The following ADGRL1 variants were observed in gnomAD, a reference collection of about 807,000 sequenced individuals.
The protein encoded by ADGRL1 is adhesion G protein-coupled receptor L1.
Under a neutral mutation model 148.9 loss-of-function variants are expected in ADGRL1, and 31 were observed. That is an observed-to-expected ratio of 0.21 (90% CI 0.16 to 0.28). The LOEUF (loss-of-function observed/expected upper bound fraction) is 0.28, where lower values mean the gene tolerates loss of function less well. Ranked by LOEUF, ADGRL1 falls within the 10% of genes least tolerant of loss-of-function variation. The probability of loss-of-function intolerance (pLI) is 1.00; values close to 1 mark genes in which losing one functional copy is unlikely to be tolerated. For missense variants in ADGRL1, 1,521 were observed against 2,058.8 expected (o/e 0.74, Z 5.05); for synonymous variants, 937 against 900.3 (o/e 1.04, Z -0.73).
rs1969242167 is a variant in ADGRL1, at chr19:14,160,459, C to T, written c.1614+134G>A. 1 of 915,898 alleles carries T rather than the reference C, an allele frequency of 1.1e-6. No individual in the cohort carries two copies. Among genetic ancestry groups the T allele is most frequent in the Non-Finnish European group, 1.6e-6 (1 of 614,610 alleles). The allele number at this position is 915,898 out of a possible 1,614,324, so 56.7% of individuals were successfully genotyped here. A position where few individuals can be genotyped will look rare whatever the true frequency, so the allele number is the denominator to read the frequency against. On this transcript the variant is annotated intron_variant, in intron 7 of 22. Transcript: ENST00000361434. This position sits in a 1 kb window ranked among gnomAD's most constrained non-coding sequence, Gnocchi z 5.9. Reference sequence around the variant, plus strand: ...ATCTGTCCCTGCTCCCTTTGTAGGCCAGGGAGGTGACCCCACAGTCCTGCC... The same window carrying T: ...ATCTGTCCCTGCTCCCTTTGTAGGCTAGGGAGGTGACCCCACAGTCCTGCC...
At chr19:14,166,970 G>A in intron 4 of ADGRL1, 1 of 1,601,470 alleles carries the variant, frequency 6.2e-7, no homozygotes, top group Non-Finnish European at 8.6e-7. Flanking sequence ...GGTACAGGTA[G>A]AACAAAGTGT....
At position 14,183,595 on chromosome 19, in the gene ADGRL1, C is replaced by A; in HGVS notation, c.8G>T (p.Arg3Leu). The A allele has an allele frequency of 6.3e-7, 1 of 1,577,346 alleles. No homozygotes were observed. Among genetic ancestry groups the A allele is most frequent in the Non-Finnish European group, 8.6e-7 (1 of 1,161,310 alleles). The change falls in exon 2 of 23, where the codon CGC becomes CTC. Residue 3 changes from arginine (R) to leucine (L), a missense_variant. Physicochemically the swap from Arg to Leu is moderately radical, Grantham distance 102. Transcript: ENST00000361434. MA[R>L]LAAVLWNLCV... is the part of the protein sequence containing the mutation. ...CAGATTCCAGAGCACTGCGGCTAGG[C>A]GGGCCATGGTGGCAGCCGGGTGCGT...
chr19:14,161,007 C>T lies in ADGRL1; in HGVS notation c.1510+305G>A, dbSNP rs936052350. Among the ~76,000 whole-genome samples, 11 of 152,214 alleles carry T rather than the reference C, an allele frequency of 7.2e-5. No homozygotes were observed. Among genetic ancestry groups the T allele is most frequent in the Non-Finnish European group, 1.5e-4 (10 of 68,040 alleles). ...CCTCCCCTCAGATCTCCAGGACACA[C>T]GGCCCTGCCCTTTTTGCACTTCAGC... On this transcript the variant is annotated intron_variant, in intron 6 of 22. Coordinates refer to ENST00000361434, the MANE Select transcript of ADGRL1 (RefSeq NM_014921.5). The surrounding 1 kb of genome is among the most constrained non-coding windows in gnomAD (Gnocchi z 4.4).
chr19:14,161,732 A>T lies in ADGRL1; in HGVS notation c.1196-106T>A. 2.5e-6 allele frequency: 2 copies of T among 809,250 alleles called. No individual in the cohort carries two copies. The highest frequency in any genetic ancestry group is 3.4e-6 in the Non-Finnish European group (2 of 581,134). 50.1% of individuals were successfully genotyped at this position (809,250 alleles called of 1,614,324 possible). On this transcript the variant is annotated intron_variant, in intron 5 of 22. Coordinates refer to ENST00000361434, the MANE Select transcript of ADGRL1 (RefSeq NM_014921.5). This position sits in a 1 kb window ranked among gnomAD's most constrained non-coding sequence, Gnocchi z 4.4. ...TCTTAGCATCTTCCTCATCTACTGA[A>T]GTGGAAACACGTGCCGGGCCCCACT...
Position 14,155,285 on chromosome 19 carries a change from T to C in ADGRL1, c.3294+74A>G. 1 of 1,552,184 alleles carries C rather than the reference T, an allele frequency of 6.4e-7. No homozygotes were observed. Among genetic ancestry groups the C allele is most frequent in the Non-Finnish European group, 8.8e-7 (1 of 1,140,248 alleles). On this transcript the variant is annotated intron_variant, in intron 18 of 22. Transcript: ENST00000361434. The surrounding 1 kb of genome is among the most constrained non-coding windows in gnomAD (Gnocchi z 5.0). ...GGGAGCCCCTGAGTCCCCTCCACCC[T>C]CGCCGCCTTCTCCTGGGTACCCAGG...
chr19:14,148,567 G>C lies in ADGRL1; in HGVS notation c.*2306C>G, dbSNP rs917646801. The C allele has an allele frequency of 5.2e-5, 8 of 152,614 alleles. No individual in the cohort carries two copies. Among genetic ancestry groups the C allele is most frequent in the African/African-American group, 1.9e-4 (8 of 41,412 alleles). The allele number at this position is 152,614 out of a possible 1,614,324, so 9.5% of individuals were successfully genotyped here. A position where few individuals can be genotyped will look rare whatever the true frequency, so the allele number is the denominator to read the frequency against. ...TCTGACCACCCCTCCACACAACAGA[G>C]CTCCCAGCCTAGTGCAGTCCGGGAA... On this transcript the variant is annotated 3_prime_UTR_variant, in exon 23 of 23. Transcript: ENST00000361434.
At chr19:14,193,457 C>T (rs1037835561) in intron 1 of ADGRL1, among the ~76,000 whole-genome samples, 2 of 151,888 alleles carry the variant, frequency 1.3e-5, no homozygotes, top group Admixed American at 6.6e-5. Context: ...CACGGTGGCA[C>T]GTGCCTATAG....
chr19:14,167,096 GAAAA>G (rs956169815), intron 4 of ADGRL1: 3 of 1,301,602 alleles, frequency 2.3e-6, no homozygotes, highest in Admixed American at 1.9e-5. Flanking sequence ...GAAAAAAAGA[GAAAA>G]AAAAAGAGAT....
At chr19:14,198,272 G>A (rs559050286) in intron 1 of ADGRL1, among the ~76,000 whole-genome samples, 166 of 152,116 alleles carry the variant, frequency 1.1e-3, no homozygotes, top group Non-Finnish European at 2.0e-3. Context: ...ACAGAGGGAT[G>A]GGATCTGGCT....
At chr19:14,153,032 T>C (rs1027988200) in intron 18 of ADGRL1, 120 bp from the exon 19 acceptor site, 53 of 1,170,656 alleles carry the variant, frequency 4.5e-5, no homozygotes, top group East Asian at 1.7e-4. Flanking sequence ...TTCCAATGAC[T>C]GTGTTCCCCT....
rs1240824937 is a variant in ADGRL1, at chr19:14,162,209, C to T, written c.1195+397G>A. On this transcript the variant is annotated intron_variant, in intron 5 of 22. Coordinates refer to ENST00000361434, the MANE Select transcript of ADGRL1 (RefSeq NM_014921.5). This position sits in a 1 kb window ranked among gnomAD's most constrained non-coding sequence, Gnocchi z 5.4. ...CCCTCAGCCCGGTCAGCATCAGCAGCTCAGCTCTTTTGTGGATACTGGACT... is the reference window on the plus strand; with the variant it reads ...CCCTCAGCCCGGTCAGCATCAGCAGTTCAGCTCTTTTGTGGATACTGGACT... Among the ~76,000 whole-genome samples the T allele has an allele frequency of 6.6e-6, 1 of 152,186 alleles. No homozygotes were observed. The highest frequency in any genetic ancestry group is 2.4e-5 in the African/African-American group (1 of 41,446).
rs928624589 is a variant in ADGRL1 at position 14,159,862 on chromosome 19, C to T, written c.1801-89G>A. 17 of 1,230,498 alleles carry T rather than the reference C, an allele frequency of 1.4e-5. No homozygotes were observed. The highest frequency in any genetic ancestry group is 2.0e-5 in the Non-Finnish European group (17 of 833,996). The allele number at this position is 1,230,498 out of a possible 1,614,324, so 76.2% of individuals were successfully genotyped here. A position where few individuals can be genotyped will look rare whatever the true frequency, so the allele number is the denominator to read the frequency against. On this transcript the variant is annotated intron_variant, in intron 8 of 22. Coordinates refer to ENST00000361434, the MANE Select transcript of ADGRL1 (RefSeq NM_014921.5). This position sits in a 1 kb window ranked among gnomAD's most constrained non-coding sequence, Gnocchi z 6.0. ...TGTCACATCTGGATAGCTCTCTCGT[C>T]TGCGGTTACCACTGACCCAGGGCTG...
rs376109961 is a variant in ADGRL1, at chr19:14,156,638, G to T, written c.3033+20C>A. On this transcript the variant is annotated intron_variant, in intron 16 of 22. Coordinates refer to ENST00000361434, the MANE Select transcript of ADGRL1 (RefSeq NM_014921.5). Reference sequence around the variant, plus strand: ...GGATGAAGGAAGATGTGGTGCTAGGGGTGTCACCTCCCAACTCACCACGAT... The same window carrying T: ...GGATGAAGGAAGATGTGGTGCTAGGTGTGTCACCTCCCAACTCACCACGAT... 3.1e-6 allele frequency: 5 copies of T among 1,605,246 alleles called. No individual in the cohort carries two copies. The highest frequency in any genetic ancestry group is 4.5e-5 in the East Asian group (2 of 44,566).
Position 14,150,843 on chromosome 19 carries a change from G to T in ADGRL1, c.*30C>A, listed in dbSNP as rs1968086281. The T allele has an allele frequency of 1.6e-5, 25 of 1,601,614 alleles. No individual in the cohort carries two copies. Among genetic ancestry groups the T allele is most frequent in the Non-Finnish European group, 2.0e-5 (24 of 1,175,242 alleles). On this transcript the variant is annotated 3_prime_UTR_variant, in exon 23 of 23. Transcript: ENST00000361434. ...TGCCCAGGGTTCCCTCCCTGGCCTGGGCCACCAGCCCCTGGTCCATGAGGT... is the reference window on the plus strand; with the variant it reads ...TGCCCAGGGTTCCCTCCCTGGCCTGTGCCACCAGCCCCTGGTCCATGAGGT...
chr19:14,163,468 GA>G (rs1568588818), intron 4 of ADGRL1, 62 bp from the exon 5 acceptor site: 104 of 434,926 alleles, frequency 2.4e-4, no homozygotes, highest in Admixed American at 5.3e-4. Context: ...AGAGGGAGGA[GA>G]GAGAGAGAGA....
chr19:14,198,785 C>G (rs1356334800), intron 1 of ADGRL1, among the ~76,000 whole-genome samples: 1 of 152,194 alleles, frequency 6.6e-6, no homozygotes, highest in African/African-American at 2.4e-5. Flanking sequence ...CCACCATACC[C>G]CTCCTCCCCC....
Position 14,159,810 on chromosome 19 carries a change from TG to T in ADGRL1, c.1801-38del. The T allele has an allele frequency of 6.3e-7, 1 of 1,581,358 alleles. No homozygotes were observed. Among genetic ancestry groups the T allele is most frequent in the Non-Finnish European group, 8.7e-7 (1 of 1,150,478 alleles). On this transcript the variant is annotated intron_variant, in intron 8 of 22. Coordinates refer to ENST00000361434, the MANE Select transcript of ADGRL1 (RefSeq NM_014921.5). The surrounding 1 kb of genome is among the most constrained non-coding windows in gnomAD (Gnocchi z 6.0). Reference sequence around the variant, plus strand: ...TGGAGGTGATGTCAGGCCAGGCCTCTGGGTGCCGGTTCCCTCACCCTAATAC... The same window carrying T: ...TGGAGGTGATGTCAGGCCAGGCCTCTGGTGCCGGTTCCCTCACCCTAATAC...
chr19:14,179,466 C>G (rs938450317), intron 2 of ADGRL1, among the ~76,000 whole-genome samples: 1 of 151,956 alleles, frequency 6.6e-6, no homozygotes, highest in African/African-American at 2.4e-5. Context: ...TGCACTACAG[C>G]CTGGGCGACA....
intron 1 of ADGRL1, among the ~76,000 whole-genome samples, chr19:14,184,784 C>T (rs1286928785): frequency 6.6e-6 from 1 of 151,830 alleles, no homozygotes; most frequent in African/African-American, 2.4e-5. Context: ...GGACTACAGG[C>T]ACCCACCAAC....
Sources: allele counts gnomAD v4.1 joint callset (sites outside exome capture counted in the v4.1 genomes callset), GRCh38; gene constraint gnomAD v4.1.1; non-coding constraint Gnocchi (gnomAD v3.1); transcripts MANE v1.5; gene names NCBI Gene and HGNC (gene_info 2026-07-23, HGNC 2026-07-21).